MACROD2: variants seen among roughly 807,000 people sequenced by gnomAD.
The protein encoded by MACROD2 is ADP-ribose glycohydrolase MACROD2.
In MACROD2, 36 loss-of-function variants were observed where a neutral mutation model predicts 70.4. The observed-to-expected ratio is 0.51, with a 90% confidence interval of 0.39 to 0.68. MACROD2 has a LOEUF of 0.68. MACROD2 is among the 30% of genes least tolerant of loss of function. The probability of loss-of-function intolerance (pLI) is 0.00; values close to 1 mark genes in which losing one functional copy is unlikely to be tolerated. For missense variants in MACROD2, 496 were observed against 538.4 expected (o/e 0.92, Z 0.78); for synonymous variants, 172 against 178.8 (o/e 0.96, Z 0.30).
chr20:14,172,628 A>C (rs191899094), intron 3 of MACROD2, among the ~76,000 whole-genome samples: 1 of 152,138 alleles, frequency 6.6e-6, no homozygotes, highest in Non-Finnish European at 1.5e-5. Flanking sequence ...TTTTATGTGG[A>C]TTATTTTAGG....
At chr20:14,421,387 G>C (rs2083874508) in intron 3 of MACROD2, among the ~76,000 whole-genome samples, 1 of 152,182 alleles carries the variant, frequency 6.6e-6, no homozygotes, top group African/African-American at 2.4e-5. Context: ...TATTAATTCA[G>C]TCTCCTTAGT....
chr20:16,013,634 C>T (rs959607269), intron 15 of MACROD2, among the ~76,000 whole-genome samples: 1 of 152,150 alleles, frequency 6.6e-6, no homozygotes, highest in Non-Finnish European at 1.5e-5. Context: ...CTCTCCATGG[C>T]CACGTTCTTC....
chr20:15,681,865 G>A (rs1359499926), intron 8 of MACROD2, among the ~76,000 whole-genome samples: 1 of 152,146 alleles, frequency 6.6e-6, no homozygotes, highest in South Asian at 2.1e-4. Context: ...ACTAGAGATC[G>A]TAGAGTGGCT....
chr20:15,796,930 G>C (rs1225974023), intron 8 of MACROD2, among the ~76,000 whole-genome samples: 1 of 152,126 alleles, frequency 6.6e-6, no homozygotes, highest in African/African-American at 2.4e-5. Flanking sequence ...ATATATACGA[G>C]CTAGGAGTGT....
At chr20:14,286,698 C>T (rs1399786583) in intron 3 of MACROD2, among the ~76,000 whole-genome samples, 3 of 151,928 alleles carry the variant, frequency 2.0e-5, no homozygotes, top group East Asian at 3.9e-4. Flanking sequence ...TTTGCTTTAA[C>T]ACATTACTAT....
At chr20:15,445,517 GTAAGACAGCAGATTCT>G (rs1233454490) in intron 7 of MACROD2, among the ~76,000 whole-genome samples, 1 of 152,100 alleles carries the variant, frequency 6.6e-6, no homozygotes, top group Non-Finnish European at 1.5e-5. Context: ...GTTATGTGTT[GTAAGACAGCAGATTCT>G]TACGGACAAA....
At chr20:14,820,723 TC>T (rs1422498171) in intron 5 of MACROD2, among the ~76,000 whole-genome samples, 2 of 152,080 alleles carry the variant, frequency 1.3e-5, no homozygotes, top group South Asian at 2.1e-4. Context: ...ATTCTTTTTT[TC>T]CCCCCTTTTT....
chr20:15,772,943 A>G (rs1034136650), intron 8 of MACROD2, among the ~76,000 whole-genome samples: 4 of 152,180 alleles, frequency 2.6e-5, no homozygotes, highest in African/African-American at 9.6e-5. Flanking sequence ...CGAGGAGAGC[A>G]CATCACCTCC....
chr20:15,447,106 G>C (rs1008294663), intron 7 of MACROD2, among the ~76,000 whole-genome samples: 5 of 150,676 alleles, frequency 3.3e-5, no homozygotes, highest in African/African-American at 1.2e-4. Context: ...TGTATAGGAA[G>C]TATCCCAGTG....
chr20:15,078,603 G>A (rs2075678120), intron 5 of MACROD2, among the ~76,000 whole-genome samples: 1 of 152,134 alleles, frequency 6.6e-6, no homozygotes, highest in Non-Finnish European at 1.5e-5. Flanking sequence ...TCCAGGCCAT[G>A]TGTATTCTTC....
At chr20:15,435,609 A>G (rs752275768) in intron 7 of MACROD2, among the ~76,000 whole-genome samples, 9 of 152,116 alleles carry the variant, frequency 5.9e-5, no homozygotes, top group Non-Finnish European at 1.2e-4. Flanking sequence ...ATTTTATCCC[A>G]TTGTGGTTTA....
chr20:15,998,564 C>CT (rs34750465), intron 15 of MACROD2, among the ~76,000 whole-genome samples: 1,178 of 117,512 alleles, frequency 0.01, 27 homozygotes, highest in African/African-American at 0.035. Context: ...TGAGTTCTCT[C>CT]TTTTTTTTTT....
In MACROD2 at chr20:14,862,648, T is replaced by C. The variant is rs1275412602; in HGVS notation, c.418+177689T>C. Among the ~76,000 whole-genome samples the C allele has an allele frequency of 5.5e-4, 27 of 48,662 alleles. 3 individuals carry two copies. The highest frequency in any genetic ancestry group is 1.2e-3 in the South Asian group (2 of 1,624). The allele number at this position is 48,662 out of a possible 152,430, so 31.9% of individuals were successfully genotyped here. A position where few individuals can be genotyped will look rare whatever the true frequency, so the allele number is the denominator to read the frequency against. The stretch of plus-strand genomic sequence containing the variant: ...ATATATAAATATATATATAAATATA[T>C]ATATATAAATATATATATAAATATA... On this transcript the variant is annotated intron_variant, in intron 5 of 17. Coordinates refer to ENST00000684519, the MANE Select transcript of MACROD2 (RefSeq NM_001351661.2).
At chr20:15,996,616 T>C (rs893827477) in intron 15 of MACROD2, among the ~76,000 whole-genome samples, 1 of 152,170 alleles carries the variant, frequency 6.6e-6, no homozygotes, top group African/African-American at 2.4e-5. Flanking sequence ...CCTTATCATA[T>C]AAATGGTTTA....
chr20:14,421,415 G>T (rs1191546208), intron 3 of MACROD2, among the ~76,000 whole-genome samples: 2 of 152,106 alleles, frequency 1.3e-5, no homozygotes, highest in Non-Finnish European at 2.9e-5. Flanking sequence ...AGTCTATCCA[G>T]ATTTTCTGTC....
intron 5 of MACROD2, among the ~76,000 whole-genome samples, chr20:14,949,041 C>CA (rs1301921431): frequency 1.4e-5 from 2 of 147,788 alleles, no homozygotes; most frequent in Non-Finnish European, 1.5e-5. Flanking sequence ...GGTTAATAGT[C>CA]AGTTATTTTT....
chr20:15,063,893 G>T (rs1367766411), intron 5 of MACROD2, among the ~76,000 whole-genome samples: 3 of 152,316 alleles, frequency 2.0e-5, no homozygotes, highest in Non-Finnish European at 4.4e-5. Context: ...AGTTGGAGCT[G>T]CTCCATAATC....
intron 8 of MACROD2, among the ~76,000 whole-genome samples, chr20:15,544,362 G>T (rs1217295638): frequency 2.6e-5 from 4 of 152,178 alleles, no homozygotes; most frequent in Non-Finnish European, 5.9e-5. Flanking sequence ...ACAGTAGCAA[G>T]AATTTTTCTC....
intron 5 of MACROD2, among the ~76,000 whole-genome samples, chr20:14,953,556 C>T (rs539849749): frequency 1.5e-4 from 23 of 152,244 alleles, no homozygotes; most frequent in African/African-American, 4.3e-4. Context: ...CCGCCCACCT[C>T]GGCCTCCCAA....
Sources: gnomAD v4.1 joint callset for allele counts (sites outside exome capture counted in the v4.1 genomes callset) on GRCh38, gnomAD v4.1.1 for gene constraint, MANE v1.5 for transcripts, NCBI Gene and HGNC (gene_info 2026-07-23, HGNC 2026-07-21) for gene names.